CNTLN: variants seen among roughly 807,000 people sequenced by gnomAD.
The protein encoded by CNTLN is centlein, centrosomal protein.
In CNTLN, 212 loss-of-function variants were observed where a neutral mutation model predicts 180.0. That is an observed-to-expected ratio of 1.18 (90% CI 1.05 to 1.32). The LOEUF (loss-of-function observed/expected upper bound fraction) is 1.32. CNTLN is among the 40% of genes most tolerant of loss of function. CNTLN has a pLI of 0.00. For missense variants in CNTLN, 2,095 were observed against 1,610.9 expected (o/e 1.30, Z -5.14); for synonymous variants, 722 against 563.1 (o/e 1.28, Z -3.99).
At chr9:17,205,706 T>A (rs1406119504) in intron 2 of CNTLN, among the ~76,000 whole-genome samples, 1 of 152,170 alleles carries the variant, frequency 6.6e-6, no homozygotes, top group Non-Finnish European at 1.5e-5. Context: ...GATGCCCCAA[T>A]GGCAACAAAA....
chr9:17,228,367 T>C (rs7847197), intron 3 of CNTLN, among the ~76,000 whole-genome samples: 2,385 of 152,172 alleles, frequency 0.016, 67 homozygotes, highest in African/African-American at 0.055. Context: ...ATAGAAATTA[T>C]TTGCTTTGTA....
chr9:17,220,293 A>G (rs1164327918), intron 2 of CNTLN, among the ~76,000 whole-genome samples: 1 of 152,038 alleles, frequency 6.6e-6, no homozygotes, highest in African/African-American at 2.4e-5. Context: ...TTGGTGTCAC[A>G]TAATCTAGTA....
At chr9:17,339,848 C>T (rs1428292800) in intron 10 of CNTLN, among the ~76,000 whole-genome samples, 1 of 152,036 alleles carries the variant, frequency 6.6e-6, no homozygotes, top group Non-Finnish European at 1.5e-5. Context: ...ATCTCATGTG[C>T]TATATATTGG....
intron 6 of CNTLN, among the ~76,000 whole-genome samples, chr9:17,294,874 A>G (rs1389084899): frequency 3.7e-4 from 6 of 16,372 alleles, no homozygotes; most frequent in Admixed American, 8.6e-4. Context: ...GGGCGGAGGG[A>G]GTGGGGGGAG....
At chr9:17,520,505 G>A in the CNTLN span, among the ~76,000 whole-genome samples, 1 of 152,168 alleles carries the variant, frequency 6.6e-6, no homozygotes, top group Non-Finnish European at 1.5e-5. Context: ...TCCTCTCACT[G>A]GCAAAATCCA....
rs77865541 is a variant in CNTLN at position 17,488,463 on chromosome 9, G to A, written c.4119+1397G>A. On this transcript the variant is annotated intron_variant, in intron 25 of 25. Coordinates refer to ENST00000380647, the MANE Select transcript of CNTLN (RefSeq NM_017738.4). ...AAATGATAAAAATAAACTTTTTAAT[G>A]AATTTTTAAAATGTTCACTTTGTAA... Among the ~76,000 whole-genome samples the A allele has an allele frequency of 6.0e-4, 92 of 152,082 alleles. 1 individual carries two copies. The East Asian group carries it at 0.017, about 27-fold the overall frequency.
chr9:17,298,252 C>T lies in CNTLN; in HGVS notation c.1046C>T (p.Ala349Val). 6.2e-7 allele frequency: 1 copy of T among 1,612,640 alleles called. No individual in the cohort carries two copies. Among genetic ancestry groups the T allele is most frequent in the Non-Finnish European group, 8.5e-7 (1 of 1,179,512 alleles). Residue 349 changes from alanine to valine, a missense_variant, in exon 7 of 26, where the codon GCA becomes GTA. Transcript: ENST00000380647. ...AACAGTACACATACAGCCCAGCAAG[C>T]AGAGCTGATCCAGCAGCTTCAGGTT... Reference protein sequence around the residue: ...KQNSTHTAQQAELIQQLQVLN... With the variant: ...KQNSTHTAQQVELIQQLQVLN...
chr9:17,362,897 T>C (rs1035487097), intron 12 of CNTLN, among the ~76,000 whole-genome samples: 2 of 151,930 alleles, frequency 1.3e-5, no homozygotes, highest in African/African-American at 4.8e-5. Flanking sequence ...TAGTCCCCCA[T>C]ACCCCAACAG....
Position 17,466,777 on chromosome 9 carries a change from A to C in CNTLN, c.3741A>C (p.Ala1247=). ...TESAMAEIET[A]ASKQLQELAL... is the part of the protein sequence containing the mutation. ...CTGCAATGGCAGAAATTGAAACAGCAGCATCTAAGCAGCTTCAAGAATTAG... is the reference window on the plus strand; with the variant it reads ...CTGCAATGGCAGAAATTGAAACAGCCGCATCTAAGCAGCTTCAAGAATTAG... Residue 1247 remains alanine, a synonymous_variant, in exon 23 of 26, where the codon GCA becomes GCC. Transcript: ENST00000380647. The C allele has an allele frequency of 6.2e-7, 1 of 1,610,920 alleles. No individual in the cohort carries two copies. Among genetic ancestry groups the C allele is most frequent in the Admixed American group, 1.7e-5 (1 of 59,728 alleles).
intron 8 of CNTLN, among the ~76,000 whole-genome samples, chr9:17,312,031 C>A (rs1819171062): frequency 6.6e-6 from 1 of 151,786 alleles, no homozygotes; most frequent in South Asian, 2.1e-4. Flanking sequence ...TATGCCTGTT[C>A]ATATATGTAG....
At chr9:17,494,183 T>A (rs10963116) in intron 25 of CNTLN, among the ~76,000 whole-genome samples, 50,470 of 151,996 alleles carry the variant, frequency 0.33, 9,179 homozygotes, top group East Asian at 0.51. Context: ...TGTTTAATTA[T>A]TTTTAATTTA....
chr9:17,443,393 T>C (rs562084941), intron 18 of CNTLN, among the ~76,000 whole-genome samples: 1 of 152,190 alleles, frequency 6.6e-6, no homozygotes, highest in East Asian at 1.9e-4. Context: ...AAATATTGTT[T>C]AAATAATAGC....
intron 13 of CNTLN, 21 bp from the exon 14 acceptor site, chr9:17,388,141 A>G (rs1184646295): frequency 3.3e-6 from 5 of 1,497,430 alleles, no homozygotes; most frequent in Non-Finnish European, 4.6e-6. Context: ...GTATCATAAT[A>G]TATTATTTAT....
intron 15 of CNTLN, among the ~76,000 whole-genome samples, chr9:17,402,977 C>G (rs1827098823): frequency 6.6e-6 from 1 of 151,714 alleles, no homozygotes. Context: ...CTCTACTTCC[C>G]ACTCCCACTC....
chr9:17,418,289 G>T (rs777589303), intron 18 of CNTLN, among the ~76,000 whole-genome samples: 1 of 151,922 alleles, frequency 6.6e-6, no homozygotes, highest in African/African-American at 2.4e-5. Flanking sequence ...GATTTAATTT[G>T]AATATTCTGT....
intron 15 of CNTLN, among the ~76,000 whole-genome samples, chr9:17,407,804 C>T (rs1024861745): frequency 6.6e-6 from 1 of 152,074 alleles, no homozygotes; most frequent in Non-Finnish European, 1.5e-5. Context: ...CATGATGCTC[C>T]ATCATGATAA....
At chr9:17,219,165 A>G (rs1454221556) in intron 2 of CNTLN, among the ~76,000 whole-genome samples, 1 of 151,888 alleles carries the variant, frequency 6.6e-6, no homozygotes, top group African/African-American at 2.4e-5. Context: ...ATTATTGCAC[A>G]TCAGTGGTTC....
chr9:17,429,921 C>T lies in CNTLN; in HGVS notation c.3114+13732C>T, dbSNP rs1274188692. ...TTAGCCAAGCAAAGGAATTTTATTG[C>T]TCTTACTAGTTTCATTTGAATGGAC... On this transcript the variant is annotated intron_variant, in intron 18 of 25. Coordinates refer to ENST00000380647, the MANE Select transcript of CNTLN (RefSeq NM_017738.4). Among the ~76,000 whole-genome samples the T allele has an allele frequency of 2.6e-5, 4 of 152,002 alleles. No homozygotes were observed. The East Asian group carries it at 5.8e-4, about 22-fold the overall frequency.
chr9:17,460,395 T>C lies in CNTLN; in HGVS notation c.3307-2521T>C, dbSNP rs374697667. Among the ~76,000 whole-genome samples the C allele has an allele frequency of 2.0e-5, 3 of 151,916 alleles. No individual in the cohort carries two copies. The East Asian group carries it at 5.8e-4, about 29-fold the overall frequency. On this transcript the variant is annotated intron_variant, in intron 19 of 25. Transcript: ENST00000380647. ...GTGTTTCACATCATACATCAAAGGA[T>C]GTATTACAAGGAAATTACCAGATTT...
Sources: allele counts gnomAD v4.1 joint callset (sites outside exome capture counted in the v4.1 genomes callset), GRCh38; gene constraint gnomAD v4.1.1; transcripts MANE v1.5; gene names NCBI Gene and HGNC (gene_info 2026-07-23, HGNC 2026-07-21).